Variants in CDH4 observed in about 807,000 individuals in gnomAD.
CDH4 encodes cadherin 4, also known as cadherin-4.
A neutral mutation model predicts 86.0 loss-of-function variants in CDH4; 33 were observed. The observed-to-expected ratio is 0.38, with a 90% CI of 0.29 to 0.51. CDH4 has a LOEUF of 0.51. Ranked by LOEUF, CDH4 falls within the 20% of genes least tolerant of loss-of-function variation. The pLI is 0.86. For synonymous variants in CDH4, 555 were observed against 549.4 expected (o/e 1.01, Z -0.14); for missense variants, 1,114 against 1,307.4 (o/e 0.85, Z 2.28).
rs571785194 is a variant in CDH4, at chr20:61,552,519, G to A, written c.170-191044G>A. On this transcript the variant is annotated intron_variant, in intron 2 of 15. Coordinates refer to ENST00000614565, the MANE Select transcript of CDH4 (RefSeq NM_001794.5). ...GTTCGAGACCAGCCTGGCCAACATAGTGAAACCCCATCTCTACTAAAAACA... is the reference window on the plus strand; with the variant it reads ...GTTCGAGACCAGCCTGGCCAACATAATGAAACCCCATCTCTACTAAAAACA... 9.8e-5 allele frequency among the ~76,000 whole-genome samples: 15 copies of A among 152,306 alleles called. No homozygotes were observed. In the South Asian group the frequency reaches 2.1e-3, roughly 21 times the overall value.
At chr20:61,571,494 G>A (rs547157176) in intron 2 of CDH4, among the ~76,000 whole-genome samples, 4 of 152,264 alleles carry the variant, frequency 2.6e-5, no homozygotes, top group African/African-American at 9.6e-5. Context: ...GAGCACGGCA[G>A]GTGCCCCACT....
At chr20:61,366,939 G>T (rs2084813357) in intron 2 of CDH4, among the ~76,000 whole-genome samples, 1 of 152,108 alleles carries the variant, frequency 6.6e-6, no homozygotes, top group African/African-American at 2.4e-5. Flanking sequence ...CGGGGTCATA[G>T]CCCTGGACAA....
chr20:61,608,989 G>A (rs2086664858), intron 2 of CDH4, among the ~76,000 whole-genome samples: 1 of 152,200 alleles, frequency 6.6e-6, no homozygotes, highest in South Asian at 2.1e-4. Context: ...CTCCGGGAGG[G>A]CTGTTGGGGA....
At chr20:61,265,809 C>T (rs2084155552) in intron 2 of CDH4, among the ~76,000 whole-genome samples, 1 of 152,200 alleles carries the variant, frequency 6.6e-6, no homozygotes, top group South Asian at 2.1e-4. Flanking sequence ...AGGAATGCTC[C>T]AGCACTTAGC....
In CDH4 at chr20:61,624,606, C is replaced by G. The variant is rs989643394; in HGVS notation, c.170-118957C>G. 2.0e-5 allele frequency among the ~76,000 whole-genome samples: 3 copies of G among 152,310 alleles called. No individual in the cohort carries two copies. In the South Asian group the frequency reaches 6.2e-4, roughly 32 times the overall value. ...TGGCCAAACCTGGGATCTCTGGAATCGAGATCCTCAGCTTGATGACAGGGA... is the reference window on the plus strand; with the variant it reads ...TGGCCAAACCTGGGATCTCTGGAATGGAGATCCTCAGCTTGATGACAGGGA... On this transcript the variant is annotated intron_variant, in intron 2 of 15. Coordinates refer to ENST00000614565, the MANE Select transcript of CDH4 (RefSeq NM_001794.5).
Position 61,867,926 on chromosome 20 carries a change from G to T in CDH4, c.878-5802G>T, listed in dbSNP as rs536453024. Among the ~76,000 whole-genome samples, 7 of 152,296 alleles carry T rather than the reference G, an allele frequency of 4.6e-5. No homozygotes were observed. The South Asian group carries it at 1.5e-3, about 32-fold the overall frequency. ...ACTCCGGCCATCTCAGAACGTCCAG[G>T]CTCTTCTCTGTGAGGAAGACATTCT... On this transcript the variant is annotated intron_variant, in intron 6 of 15. Coordinates refer to ENST00000614565, the MANE Select transcript of CDH4 (RefSeq NM_001794.5).
At chr20:61,617,744 T>C (rs1428766223) in intron 2 of CDH4, among the ~76,000 whole-genome samples, 1 of 152,118 alleles carries the variant, frequency 6.6e-6, no homozygotes, top group Admixed American at 6.5e-5. Context: ...GGGATACCTG[T>C]GAAACAGGTG....
At chr20:61,853,268 G>A (rs1028009337) in intron 6 of CDH4, among the ~76,000 whole-genome samples, 1 of 152,116 alleles carries the variant, frequency 6.6e-6, no homozygotes, top group Non-Finnish European at 1.5e-5. Context: ...GACTGGGGTG[G>A]GCTCCCGGGC....
intron 2 of CDH4, among the ~76,000 whole-genome samples, chr20:61,413,545 G>A (rs2085131167): frequency 1.3e-5 from 2 of 152,182 alleles, no homozygotes; most frequent in Non-Finnish European, 1.5e-5. Flanking sequence ...ATGGCATGCT[G>A]TGTGTCTTGT....
intron 2 of CDH4, among the ~76,000 whole-genome samples, chr20:61,299,383 C>T (rs2084374336): frequency 6.6e-6 from 1 of 152,326 alleles, no homozygotes; most frequent in Non-Finnish European, 1.5e-5. Flanking sequence ...GGCTCCAGAA[C>T]AGACAGAATC....
chr20:61,584,349 T>C (rs1320892311), intron 2 of CDH4, among the ~76,000 whole-genome samples: 2 of 152,022 alleles, frequency 1.3e-5, no homozygotes, highest in Non-Finnish European at 2.9e-5. Context: ...ATTGAGAAGG[T>C]CTCCCTCAGA....
At chr20:61,541,650 A>G (rs1427671916) in intron 2 of CDH4, among the ~76,000 whole-genome samples, 2 of 152,212 alleles carry the variant, frequency 1.3e-5, no homozygotes, top group African/African-American at 4.8e-5. Flanking sequence ...GGAAGGCAGC[A>G]TCTCTTCGCC....
At chr20:61,765,808 C>G (rs1332171464) in intron 3 of CDH4, among the ~76,000 whole-genome samples, 3 of 152,074 alleles carry the variant, frequency 2.0e-5, no homozygotes, top group Non-Finnish European at 2.9e-5. Flanking sequence ...ACTGGCAGGG[C>G]TCCCACCCTC....
chr20:61,913,535 T>C (rs1212831418), intron 9 of CDH4, among the ~76,000 whole-genome samples: 1 of 152,246 alleles, frequency 6.6e-6, no homozygotes, highest in Non-Finnish European at 1.5e-5. Context: ...TCTTCTGTTC[T>C]TCAGAGAGGA....
At chr20:61,935,680 G>GT (rs1232385294) in intron 15 of CDH4, among the ~76,000 whole-genome samples, 9 of 152,214 alleles carry the variant, frequency 5.9e-5, no homozygotes, top group Non-Finnish European at 4.4e-5. Flanking sequence ...GAGGTCAGGA[G>GT]TTCAAGACCA....
intron 4 of CDH4, among the ~76,000 whole-genome samples, chr20:61,778,641 G>C (rs556541890): frequency 6.6e-6 from 1 of 152,114 alleles, no homozygotes; most frequent in Non-Finnish European, 1.5e-5. Flanking sequence ...AAAGTGAGTG[G>C]TGAGTGAGGA....
intron 8 of CDH4, among the ~76,000 whole-genome samples, chr20:61,903,270 G>T (rs1033367817): frequency 6.6e-6 from 1 of 152,108 alleles, no homozygotes; most frequent in African/African-American, 2.4e-5. Flanking sequence ...GTAAGGCCAG[G>T]CATGGTGGCT....
chr20:61,907,623 C>T (rs1282743489), intron 8 of CDH4, among the ~76,000 whole-genome samples: 1 of 152,150 alleles, frequency 6.6e-6, no homozygotes, highest in Non-Finnish European at 1.5e-5. Flanking sequence ...CGATCTGACT[C>T]CTGGGCGGCT....
chr20:61,300,890 G>T (rs942212617), intron 2 of CDH4, among the ~76,000 whole-genome samples: 5 of 152,192 alleles, frequency 3.3e-5, no homozygotes, highest in Non-Finnish European at 5.9e-5. Flanking sequence ...TTTTGGAGCA[G>T]TTCAAGCTGT....
Sources: gnomAD v4.1 joint callset for allele counts (sites outside exome capture counted in the v4.1 genomes callset) on GRCh38, gnomAD v4.1.1 for gene constraint, MANE v1.5 for transcripts, NCBI Gene and HGNC (gene_info 2026-07-23, HGNC 2026-07-21) for gene names.